SH3TC2: variants seen among roughly 807,000 people sequenced by gnomAD.
The protein encoded by SH3TC2 is SH3 domain and tetratricopeptide repeats 2.
A neutral mutation model predicts 124.5 loss-of-function variants in SH3TC2; 87 were observed. The observed-to-expected ratio is 0.70, with a 90% CI of 0.59 to 0.84. The LOEUF (loss-of-function observed/expected upper bound fraction) is 0.84. Ranked by LOEUF, SH3TC2 falls within the 40% of genes least tolerant of loss-of-function variation. The pLI is 0.00. For synonymous variants in SH3TC2, 634 were observed against 628.5 expected, an observed-to-expected ratio of 1.01 and a Z score of -0.13; for missense variants, 1,536 against 1,566.4, an observed-to-expected ratio of 0.98 and a Z score of 0.33.
intron 8 of SH3TC2, among the ~76,000 whole-genome samples, chr5:149,037,520 G>A (rs1754302756): frequency 6.6e-6 from 1 of 152,186 alleles, no homozygotes; most frequent in African/African-American, 2.4e-5. Flanking sequence ...TTAAGTCTCT[G>A]TTCAGATCGT....
intron 15 of SH3TC2, 21 bp downstream of exon 15, chr5:149,008,830 C>T (rs1561757583): frequency 7.4e-6 from 12 of 1,613,670 alleles, no homozygotes; most frequent in Non-Finnish European, 9.3e-6. Context: ...TTCAACACAC[C>T]CAATAGTGAA....
In SH3TC2 at chr5:149,023,583, C is replaced by CTTTTTTTTTTTTTTTTTT. The variant is rs5872108; in HGVS notation, c.3053+2971_3053+2988dup. Among the ~76,000 whole-genome samples, 7 of 107,260 alleles carry CTTTTTTTTTTTTTTTTTT rather than the reference C, an allele frequency of 6.5e-5. 1 individual carries two copies. The highest frequency in any genetic ancestry group is 1.1e-4 in the African/African-American group (3 of 26,492). The allele number at this position is 107,260 out of a possible 152,430, so 70.4% of individuals were successfully genotyped here. On this transcript the variant is annotated intron_variant, in intron 12 of 16. Coordinates refer to ENST00000515425, the MANE Select transcript of SH3TC2 (RefSeq NM_024577.4). ...TATAACCTTCAATAATAGTGTAATC[C>CTTTTTTTTTTTTTTTTTT]TTTTTTTTTTTTTTTTTTGAGAGAC...
In SH3TC2 at chr5:149,042,789, C is replaced by A. The variant is rs777411081; in HGVS notation, c.434G>T (p.Trp145Leu). 37 of 1,613,976 alleles carry A rather than the reference C, an allele frequency of 2.3e-5. No individual in the cohort carries two copies. The highest frequency in any genetic ancestry group is 3.1e-5 in the Non-Finnish European group (36 of 1,180,024). The change falls in exon 5 of 17, where the codon TGG becomes TTG. Residue 145 changes from tryptophan to leucine, a missense_variant. Transcript: ENST00000515425. ...ATCCTCCACCAATATGCAGTTGAGC[C>A]AGTACTTGTGGTCAAAGAGGAGATG... ...LEHLLFDHKY[W>L]LNCILVEDTE...
rs1414607636 is a variant in SH3TC2 at position 148,990,467 on chromosome 5, A to G, written c.*14244T>C. Among the ~76,000 whole-genome samples the G allele has an allele frequency of 6.6e-6, 1 of 152,186 alleles. No individual in the cohort carries two copies. The highest frequency in any genetic ancestry group is 1.5e-5 in the Non-Finnish European group (1 of 68,030). ...GGTTAACCTAAAGACAACCATGCTGATGAAGCCAAGTCAGGAGCAAAAGGA... is the reference window on the plus strand; with the variant it reads ...GGTTAACCTAAAGACAACCATGCTGGTGAAGCCAAGTCAGGAGCAAAAGGA... On this transcript the variant is annotated 3_prime_UTR_variant, in exon 17 of 17. Coordinates refer to ENST00000515425, the MANE Select transcript of SH3TC2 (RefSeq NM_024577.4).
chr5:148,988,472 C>T lies in SH3TC2; in HGVS notation c.*16239G>A, dbSNP rs1351247494. On this transcript the variant is annotated 3_prime_UTR_variant, in exon 17 of 17. Coordinates refer to ENST00000515425, the MANE Select transcript of SH3TC2 (RefSeq NM_024577.4). ...CCAGGTCATAGGAAGCTTTGCAGCT[C>T]CCCGTTTAATCTCCTGGAATGCTAG... 2.0e-5 allele frequency among the ~76,000 whole-genome samples: 3 copies of T among 152,190 alleles called. No individual in the cohort carries two copies. In the East Asian group the frequency reaches 5.8e-4, roughly 29 times the overall value.
Position 149,027,473 on chromosome 5 carries a change from C to T in SH3TC2, c.2259G>A (p.Arg753=). The part of the protein sequence containing the change: ...ALAACEELAD[R]STQRALCLIL... ...TGAGACACAGGGCCCTCTGGGTGCT[C>T]CGGTCTGCTAGTTCCTCACAGGCAG... is the stretch of plus-strand genomic sequence containing the variant. Residue 753 remains arginine (R), a synonymous_variant, in exon 11 of 17, where the codon CGG becomes CGA. Coordinates refer to ENST00000515425, the MANE Select transcript of SH3TC2 (RefSeq NM_024577.4). The T allele has an allele frequency of 6.2e-7, 1 of 1,614,190 alleles. No homozygotes were observed. The highest frequency in any genetic ancestry group is 8.5e-7 in the Non-Finnish European group (1 of 1,180,054).
rs1369390872 is a variant in SH3TC2 at position 148,990,854 on chromosome 5, T to G, written c.*13857A>C. Among the ~76,000 whole-genome samples, 1 of 152,206 alleles carries G rather than the reference T, an allele frequency of 6.6e-6. No homozygotes were observed. Among genetic ancestry groups the G allele is most frequent in the East Asian group, 1.9e-4 (1 of 5,200 alleles). ...TGAGTTAAGTATTCTAAGTACATTA[T>G]CTCTTTTAATTTTCACAGCAATTCT... On this transcript the variant is annotated 3_prime_UTR_variant, in exon 17 of 17. Coordinates refer to ENST00000515425, the MANE Select transcript of SH3TC2 (RefSeq NM_024577.4).
chr5:149,000,601 G>A lies in SH3TC2; in HGVS notation c.*4110C>T, dbSNP rs1238553001. Among the ~76,000 whole-genome samples the A allele has an allele frequency of 6.6e-6, 1 of 152,164 alleles. No individual in the cohort carries two copies. Among genetic ancestry groups the A allele is most frequent in the African/African-American group, 2.4e-5 (1 of 41,432 alleles). On this transcript the variant is annotated 3_prime_UTR_variant, in exon 17 of 17. Coordinates refer to ENST00000515425, the MANE Select transcript of SH3TC2 (RefSeq NM_024577.4). ...AGTAAATCAATTTAGAAAATGTTTT[G>A]TAAAGGCTCTTTGGTGCATATCGTG...
At chr5:149,029,842 C>A (rs181361889) in intron 9 of SH3TC2, among the ~76,000 whole-genome samples, 1 of 151,270 alleles carries the variant, frequency 6.6e-6, no homozygotes, top group Admixed American at 6.6e-5. Flanking sequence ...GCTTCACACT[C>A]CACAGGATGG....
Position 148,984,672 on chromosome 5 carries a change from C to T in SH3TC2, c.*20039G>A, listed in dbSNP as rs1172042871. Reference sequence around the variant, plus strand: ...GGAAGGAATTTGTCAGCATGTATCCCTGAAGGGTAAATGTCCACATTTGCT... The same window carrying T: ...GGAAGGAATTTGTCAGCATGTATCCTTGAAGGGTAAATGTCCACATTTGCT... On this transcript the variant is annotated 3_prime_UTR_variant, in exon 17 of 17. Coordinates refer to ENST00000515425, the MANE Select transcript of SH3TC2 (RefSeq NM_024577.4). 2.0e-5 allele frequency among the ~76,000 whole-genome samples: 3 copies of T among 152,162 alleles called. No homozygotes were observed. The East Asian group carries it at 5.8e-4, about 29-fold the overall frequency.
chr5:149,046,411 C>G (rs1754464640), intron 3 of SH3TC2: 1 of 152,212 alleles, frequency 6.6e-6, no homozygotes, highest in Admixed American at 6.5e-5. Context: ...TCACATTTAA[C>G]CACTTCTGAA....
chr5:149,031,438 G>T, intron 9 of SH3TC2, 116 bp downstream of exon 9: 2 of 1,408,738 alleles, frequency 1.4e-6, no homozygotes, highest in East Asian at 2.3e-5. Context: ...AGTGGTCATG[G>T]CCACCCAAAT....
At chr5:149,024,528 T>C (rs988577654) in intron 12 of SH3TC2, among the ~76,000 whole-genome samples, 2 of 152,248 alleles carry the variant, frequency 1.3e-5, no homozygotes, top group African/African-American at 4.8e-5. Context: ...CAGAATAGCA[T>C]AGCTAGCTGG....
Position 149,026,626 on chromosome 5 carries a change from T to G in SH3TC2, c.2999A>C (p.Glu1000Ala), listed in dbSNP as rs192187328. Reference protein sequence around the residue: ...LAQQLRDREMEGRLLESLGQL... With the variant: ...LAQQLRDREMAGRLLESLGQL... The stretch of plus-strand genomic sequence containing the variant: ...CCCCAGGGACTCCAGCAGCCTCCCT[T>G]CCATCTCCCGGTCCCTGAGTTGCTG... Residue 1000 changes from glutamate to alanine, a missense_variant, in exon 12 of 17, where the codon GAA becomes GCA. Around this residue, in one of 3 missense-constraint regions of SH3TC2, gnomAD observed 426 missense variants for 443.5 expected, o/e 0.96. Coordinates refer to ENST00000515425, the MANE Select transcript of SH3TC2 (RefSeq NM_024577.4). 2.0e-5 allele frequency: 32 copies of G among 1,614,180 alleles called. No homozygotes were observed. Among genetic ancestry groups the G allele is most frequent in the Non-Finnish European group, 2.6e-5 (31 of 1,180,034 alleles).
intron 7 of SH3TC2, among the ~76,000 whole-genome samples, chr5:149,038,992 T>C (rs935716197): frequency 2.6e-5 from 4 of 152,206 alleles, no homozygotes; most frequent in Non-Finnish European, 5.9e-5. Flanking sequence ...ATGGGGATAA[T>C]AGGAATACCT....
Position 148,987,340 on chromosome 5 carries a change from C to T in SH3TC2, c.*17371G>A, listed in dbSNP as rs1438738898. Among the ~76,000 whole-genome samples, 1 of 152,158 alleles carries T rather than the reference C, an allele frequency of 6.6e-6. No individual in the cohort carries two copies. The highest frequency in any genetic ancestry group is 1.5e-5 in the Non-Finnish European group (1 of 68,020). On this transcript the variant is annotated 3_prime_UTR_variant, in exon 17 of 17. Coordinates refer to ENST00000515425, the MANE Select transcript of SH3TC2 (RefSeq NM_024577.4). ...GGACAAGAACTTTATAAGTTTTTTT[C>T]ATTGATCTATTGCTACAGCCTGGGG...
rs1159631976 is a variant in SH3TC2, at chr5:149,001,375, A to G, written c.*3336T>C. 6.6e-6 allele frequency: 1 copy of G among 152,162 alleles called. No individual in the cohort carries two copies. The highest frequency in any genetic ancestry group is 6.6e-5 in the Admixed American group (1 of 15,264). 9.4% of individuals were successfully genotyped at this position (152,162 alleles called of 1,614,324 possible). ...AATGCCCTTCTTGTTCTTTATTTAG[A>G]TTAGATGTAAGGAGCCAGCAGTCAC... On this transcript the variant is annotated 3_prime_UTR_variant, in exon 17 of 17. Coordinates refer to ENST00000515425, the MANE Select transcript of SH3TC2 (RefSeq NM_024577.4).
In SH3TC2 at chr5:148,997,923, T is replaced by A. The variant is rs1753537133; in HGVS notation, c.*6788A>T. On this transcript the variant is annotated 3_prime_UTR_variant, in exon 17 of 17. Transcript: ENST00000515425. ...ATTAACCTCAACTGTTATTTTTATTTTGAGATGTACACACTCTCTGGTCTC... is the reference window on the plus strand; with the variant it reads ...ATTAACCTCAACTGTTATTTTTATTATGAGATGTACACACTCTCTGGTCTC... Among the ~76,000 whole-genome samples the A allele has an allele frequency of 6.6e-6, 1 of 152,340 alleles. No homozygotes were observed. Among genetic ancestry groups the A allele is most frequent in the South Asian group, 2.1e-4 (1 of 4,824 alleles).
At position 149,044,555 on chromosome 5, in the gene SH3TC2, C is replaced by A; in HGVS notation, c.363G>T (p.Lys121Asn). The A allele has an allele frequency of 6.2e-7, 1 of 1,613,924 alleles. No individual in the cohort carries two copies. The highest frequency in any genetic ancestry group is 1.1e-5 in the South Asian group (1 of 91,080). ...TACCTAAATTAAGGTAGGTGGAGAA[C>A]TTCCAGATTTCCTCCATGGTCTTGA... ...ITFKTMEEIW[K>N]FSTYLNLGYV... Residue 121 changes from lysine to asparagine, a missense_variant, in exon 4 of 17, where the codon AAG becomes AAT. This residue lies in a region of SH3TC2 where 1,102 missense variants were observed against 1,098.6 expected (regional missense o/e 1.00). Coordinates refer to ENST00000515425, the MANE Select transcript of SH3TC2 (RefSeq NM_024577.4).
Sources: allele counts gnomAD v4.1 joint callset (sites outside exome capture counted in the v4.1 genomes callset), GRCh38; gene constraint gnomAD v4.1.1; regional missense constraint gnomAD v4.1.1; transcripts MANE v1.5; gene names NCBI Gene and HGNC (gene_info 2026-07-23, HGNC 2026-07-21).